NFASC: variants seen among roughly 807,000 people sequenced by gnomAD.
NFASC encodes the protein neurofascin, also known as neurofascin homolog.
In NFASC, 43 loss-of-function variants were observed where a neutral mutation model predicts 147.5. The observed-to-expected ratio is 0.29, with a 90% CI of 0.23 to 0.38. NFASC has a LOEUF of 0.38. Among genes scored for constraint, NFASC ranks in the 10% least tolerant of loss-of-function variants. NFASC has a pLI of 1.00. For synonymous variants in NFASC, 622 were observed against 665.5 expected, an observed-to-expected ratio of 0.93 and a Z score of 1.01; for missense variants, 1,320 against 1,689.0, an observed-to-expected ratio of 0.78 and a Z score of 3.83.
intron 1 of NFASC, among the ~76,000 whole-genome samples, chr1:204,886,439 A>C (rs542312501): frequency 5.1e-4 from 78 of 152,302 alleles, no homozygotes; most frequent in Non-Finnish European, 9.4e-4. Context: ...TTTCCATAAA[A>C]ATGTGGCTTA....
intron 1 of NFASC, among the ~76,000 whole-genome samples, chr1:204,851,858 G>T (rs1022805054): frequency 1.3e-5 from 2 of 152,060 alleles, no homozygotes; most frequent in Admixed American, 6.6e-5. Context: ...TTCCCTTGGG[G>T]TGATCACAAG....
At chr1:204,971,106 TG>T (rs1332528076) in intron 11 of NFASC, among the ~76,000 whole-genome samples, 4 of 152,148 alleles carry the variant, frequency 2.6e-5, no homozygotes, top group Admixed American at 2.6e-4. Flanking sequence ...GAGTGATGGC[TG>T]GGGCTGGGAA....
intron 24 of NFASC, among the ~76,000 whole-genome samples, chr1:204,993,924 C>T (rs1218911369): frequency 6.6e-6 from 1 of 152,246 alleles, no homozygotes; most frequent in Non-Finnish European, 1.5e-5. Flanking sequence ...AACACTTGTC[C>T]TCCTCTCGTT....
intron 1 of NFASC, among the ~76,000 whole-genome samples, chr1:204,887,730 G>A (rs1372383296): frequency 6.6e-6 from 1 of 151,360 alleles, no homozygotes; most frequent in East Asian, 1.9e-4. Context: ...CCAAGTAGCT[G>A]GGACCACAGG....
intron 1 of NFASC, among the ~76,000 whole-genome samples, chr1:204,855,152 G>A (rs996551507): frequency 8.5e-5 from 13 of 152,214 alleles, no homozygotes; most frequent in Non-Finnish European, 1.0e-4. Flanking sequence ...AGTGCTCTTC[G>A]CACTATCAGA....
intron 1 of NFASC, chr1:204,871,002 C>T: frequency 7.8e-7 from 1 of 1,289,494 alleles, no homozygotes; most frequent in Non-Finnish European, 1.0e-6. Flanking sequence ...CTTCCCTCCC[C>T]ACCTGTCCCC....
Position 204,987,336 on chromosome 1 carries a change from A to C in NFASC, c.2471-82A>C, listed in dbSNP as rs2095636712. The C allele has an allele frequency of 7.3e-7, 1 of 1,364,880 alleles. No homozygotes were observed. The allele number at this position is 1,364,880 out of a possible 1,614,324, so 84.5% of individuals were successfully genotyped here. On this transcript the variant is annotated intron_variant, in intron 21 of 29. Coordinates refer to ENST00000339876, the MANE Select transcript of NFASC (RefSeq NM_001005388.3). The surrounding 1 kb of genome is among the most constrained non-coding windows in gnomAD (Gnocchi z 4.4). ...GTTGTCCAGAGGTCAATGCCTTCAT[A>C]CTTGTGCTTTGTTTTTTGTGTTTTC...
At position 204,968,744 on chromosome 1, in the gene NFASC, A is replaced by G. The variant is rs2095092079; in HGVS notation, c.819-54A>G. On this transcript the variant is annotated intron_variant, in intron 9 of 29. Coordinates refer to ENST00000339876, the MANE Select transcript of NFASC (RefSeq NM_001005388.3). This position sits in a 1 kb window ranked among gnomAD's most constrained non-coding sequence, Gnocchi z 5.4. ...CTGGGTGTCCCCAGCTGTATAGAAG[A>G]GGAGAAAGGCCACGTTTAGTGATAA... 1.3e-6 allele frequency: 2 copies of G among 1,542,944 alleles called. No individual in the cohort carries two copies. The highest frequency in any genetic ancestry group is 4.6e-5 in the East Asian group (2 of 43,638).
At position 204,938,173 on chromosome 1, in the gene NFASC, G is replaced by A. The variant is rs114762776; in HGVS notation, c.-90-6053G>A. Among the ~76,000 whole-genome samples, 788 of 152,348 alleles carry A rather than the reference G, an allele frequency of 5.2e-3. 11 individuals are homozygous for A. The highest frequency in any genetic ancestry group is 0.018 in the African/African-American group (750 of 41,574). ...ATCCATCTGCCAGGGACAGCTTGTG[G>A]AATCAACACCACGGGCCCCCAATGT... On this transcript the variant is annotated intron_variant, in intron 2 of 29. Coordinates refer to ENST00000339876, the MANE Select transcript of NFASC (RefSeq NM_001005388.3).
intron 1 of NFASC, among the ~76,000 whole-genome samples, chr1:204,872,897 A>G (rs745806294): frequency 1.3e-5 from 2 of 152,154 alleles, no homozygotes; most frequent in Non-Finnish European, 2.9e-5. Context: ...TGCTATCTTC[A>G]TTTTAAAATC....
chr1:205,006,274 C>G (rs1250739177), intron 27 of NFASC, among the ~76,000 whole-genome samples: 1 of 152,152 alleles, frequency 6.6e-6, no homozygotes, highest in Non-Finnish European at 1.5e-5. Flanking sequence ...GTTATGTGAC[C>G]AGCATTGTGC....
At chr1:204,845,473 A>G (rs1676741045) in intron 1 of NFASC, among the ~76,000 whole-genome samples, 1 of 151,992 alleles carries the variant, frequency 6.6e-6, no homozygotes. Context: ...AATAATAATA[A>G]TAATAAAATA....
At chr1:204,853,712 G>A (rs933278661) in intron 1 of NFASC, among the ~76,000 whole-genome samples, 1 of 152,206 alleles carries the variant, frequency 6.6e-6, no homozygotes, top group Non-Finnish European at 1.5e-5. Flanking sequence ...ACTGAGAGAA[G>A]ACTCTGATGC....
intron 1 of NFASC, among the ~76,000 whole-genome samples, chr1:204,906,131 C>T (rs1025324567): frequency 6.6e-6 from 1 of 152,090 alleles, no homozygotes; most frequent in South Asian, 2.1e-4. Flanking sequence ...AGTCACTCAT[C>T]GTGAGGTGTA....
chr1:205,003,187 C>T (rs1480616618), intron 27 of NFASC, among the ~76,000 whole-genome samples: 2 of 152,098 alleles, frequency 1.3e-5, no homozygotes, highest in Admixed American at 6.6e-5. Flanking sequence ...AGAAATCGCT[C>T]CAGGAGATCA....
At chr1:204,917,720 C>G (rs745556598) in intron 1 of NFASC, among the ~76,000 whole-genome samples, 1 of 152,092 alleles carries the variant, frequency 6.6e-6, no homozygotes, top group African/African-American at 2.4e-5. Flanking sequence ...CTCTACTAGT[C>G]TTTGACACGA....
At chr1:204,845,743 AT>A (rs1558489736) in intron 1 of NFASC, among the ~76,000 whole-genome samples, 1 of 151,990 alleles carries the variant, frequency 6.6e-6, no homozygotes, top group African/African-American at 2.4e-5. Context: ...TTCTAAAAAA[AT>A]TTTTTAAAAA....
intron 1 of NFASC, among the ~76,000 whole-genome samples, chr1:204,875,665 CT>C (rs80034218): frequency 0.11 from 17,372 of 152,122 alleles, 1,752 homozygotes; most frequent in East Asian, 0.47. Flanking sequence ...CTCCCCTGCC[CT>C]TTCCCCCCAC....
intron 27 of NFASC, among the ~76,000 whole-genome samples, chr1:205,008,177 G>A (rs773178810): frequency 2.6e-5 from 4 of 152,070 alleles, no homozygotes; most frequent in African/African-American, 9.7e-5. Flanking sequence ...TCTTCACCCC[G>A]TACTGGGAAC....
Sources: gnomAD v4.1 joint callset for allele counts (sites outside exome capture counted in the v4.1 genomes callset) on GRCh38, gnomAD v4.1.1 for gene constraint, Gnocchi (gnomAD v3.1) non-coding constraint, MANE v1.5 for transcripts, NCBI Gene and HGNC (gene_info 2026-07-23, HGNC 2026-07-21) for gene names.